Variants in GSE1 observed in about 807,000 individuals in gnomAD.
GSE1 encodes genetic suppressor element 1.
Under a neutral mutation model 112.6 loss-of-function variants are expected in GSE1, and 32 were observed. That is an observed-to-expected ratio of 0.28 (90% CI 0.21 to 0.38). The LOEUF (loss-of-function observed/expected upper bound fraction) is 0.38. GSE1 is among the 10% of genes least tolerant of loss of function. GSE1 has a pLI of 1.00. For missense variants in GSE1, 2,348 were observed against 1,699.2 expected, an observed-to-expected ratio of 1.38 and a Z score of -6.71; for synonymous variants, 1,115 against 735.6, an observed-to-expected ratio of 1.52 and a Z score of -8.35.
intron 1 of GSE1, among the ~76,000 whole-genome samples, chr16:85,284,427 G>A (rs2151428302): frequency 6.6e-6 from 1 of 152,314 alleles, no homozygotes; most frequent in Admixed American, 6.5e-5. Context: ...GGTGAGACCT[G>A]CCTCCCTGCC....
rs201087032 is a variant in GSE1, at chr16:85,668,325, G to C, written c.3316G>C (p.Glu1106Gln). 1.1e-5 allele frequency: 18 copies of C among 1,613,030 alleles called. No individual in the cohort carries two copies. In the East Asian group the frequency reaches 3.8e-4, roughly 34 times the overall value. Reference sequence around the variant, plus strand: ...GGACCGGGACTCGGAGGAGGAGGAAGAGGAGGATGATGAAGATGGAGAAGA... The same window carrying C: ...GGACCGGGACTCGGAGGAGGAGGAACAGGAGGATGATGAAGATGGAGAAGA... ...ELDRDSEEEEEEDDEDGEDEE... is the reference protein window; with the variant it reads ...ELDRDSEEEEQEDDEDGEDEE... Residue 1106 changes from glutamate to glutamine, a missense_variant, in exon 14 of 16, where the codon GAG becomes CAG. Glu to Gln is a conservative substitution (Grantham distance 29). Transcript: ENST00000253458.
chr16:85,349,417 C>A (rs2046808376), intron 1 of GSE1, among the ~76,000 whole-genome samples: 1 of 152,174 alleles, frequency 6.6e-6, no homozygotes, highest in Non-Finnish European at 1.5e-5. Context: ...TGCGGGGCCA[C>A]AGCGGGTCAG....
At chr16:85,488,012 C>T (rs2050896609) in intron 2 of GSE1, among the ~76,000 whole-genome samples, 1 of 152,190 alleles carries the variant, frequency 6.6e-6, no homozygotes. Context: ...ACTGCCTGGC[C>T]ATGGAGGCTC....
chr16:85,598,167 G>GTTTTTT (rs973836177), intron 1 of GSE1, among the ~76,000 whole-genome samples: 51 of 71,518 alleles, frequency 7.1e-4, no homozygotes, highest in Admixed American at 8.1e-4. Flanking sequence ...AGGTTTGGTT[G>GTTTTTT]TTTTTTTTTT....
At chr16:85,488,014 T>C (rs2050896728) in intron 2 of GSE1, among the ~76,000 whole-genome samples, 1 of 152,162 alleles carries the variant, frequency 6.6e-6, no homozygotes, top group Admixed American at 6.5e-5. Context: ...TGCCTGGCCA[T>C]GGAGGCTCCT....
chr16:85,656,294 C>T (rs1391537457), intron 6 of GSE1, 49 bp from the exon 7 acceptor site: 23 of 1,599,138 alleles, frequency 1.4e-5, no homozygotes, highest in Non-Finnish European at 1.8e-5. Context: ...CCAGGTCCGT[C>T]TCTTGTTCCT....
chr16:85,331,561 A>ATATGTGTATC (rs1357317551), intron 1 of GSE1, among the ~76,000 whole-genome samples: 1 of 111,418 alleles, frequency 9.0e-6, no homozygotes, highest in East Asian at 2.5e-4. Flanking sequence ...ATATGTGTAT[A>ATATGTGTATC]TGTGTATATA....
chr16:85,372,237 G>A (rs1417484946), intron 2 of GSE1, among the ~76,000 whole-genome samples: 3 of 152,098 alleles, frequency 2.0e-5, no homozygotes, highest in African/African-American at 4.8e-5. Flanking sequence ...TTGTGCTTGT[G>A]AGATCAAGGT....
chr16:85,253,715 G>A (rs1050481091), intron 1 of GSE1, among the ~76,000 whole-genome samples: 2 of 152,236 alleles, frequency 1.3e-5, no homozygotes, highest in African/African-American at 4.8e-5. Context: ...CAGGGGAGAA[G>A]GAGGGTGGCA....
intron 2 of GSE1, among the ~76,000 whole-genome samples, chr16:85,473,180 C>T (rs1348935700): frequency 6.6e-6 from 1 of 152,266 alleles, no homozygotes; most frequent in Non-Finnish European, 1.5e-5. Context: ...ACTGACTGCA[C>T]CATTTGCTGT....
intron 2 of GSE1, among the ~76,000 whole-genome samples, chr16:85,390,168 C>T (rs1288254070): frequency 6.6e-6 from 1 of 152,218 alleles, no homozygotes; most frequent in Non-Finnish European, 1.5e-5. Flanking sequence ...TATTCTTACA[C>T]ATACTTCTGT....
chr16:85,596,707 T>G (rs554250849), intron 1 of GSE1, among the ~76,000 whole-genome samples: 1 of 152,322 alleles, frequency 6.6e-6, no homozygotes, highest in East Asian at 1.9e-4. Context: ...TGTGTGCCAG[T>G]ACTGGACAGT....
chr16:85,595,098 C>T (rs1448945305), intron 1 of GSE1: 1 of 152,562 alleles, frequency 6.6e-6, no homozygotes, highest in Non-Finnish European at 1.5e-5. Context: ...CCAGGACGTT[C>T]CTGTCTCTGT....
rs988012263 is a variant in GSE1, at chr16:85,373,578, C to T, written c.2464+15935C>T. Among the ~76,000 whole-genome samples, 4 of 152,048 alleles carry T rather than the reference C, an allele frequency of 2.6e-5. No homozygotes were observed. Among genetic ancestry groups the T allele is most frequent in the South Asian group, 2.1e-4 (1 of 4,818 alleles). On this transcript the variant is annotated intron_variant, in intron 2 of 2. Transcript: ENST00000637419. This position sits in a 1 kb window ranked among gnomAD's most constrained non-coding sequence, Gnocchi z 5.1. Reference sequence around the variant, plus strand: ...CTGTGTATAGCAGGGATTCAGTGACCGCATCGCTACTATGTGTCCTCCCAG... The same window carrying T: ...CTGTGTATAGCAGGGATTCAGTGACTGCATCGCTACTATGTGTCCTCCCAG...
chr16:85,530,897 C>T (rs1390567695), intron 2 of GSE1, among the ~76,000 whole-genome samples: 2 of 152,232 alleles, frequency 1.3e-5, no homozygotes, highest in Non-Finnish European at 2.9e-5. Flanking sequence ...AGAGCTGAGG[C>T]GTAGCCCCCT....
chr16:85,671,162 C>T (rs2053297737), intron 15 of GSE1, 64 bp downstream of exon 15: 2 of 929,802 alleles, frequency 2.2e-6, no homozygotes, highest in Non-Finnish European at 3.5e-6. Context: ...TCAGAAACAC[C>T]CATGCAGATA....
intron 13 of GSE1, among the ~76,000 whole-genome samples, chr16:85,666,826 C>T (rs1008916166): frequency 1.6e-4 from 24 of 152,318 alleles, no homozygotes; most frequent in Admixed American, 5.9e-4. Context: ...CCTCTGGATC[C>T]GTGGGTTCCG....
chr16:85,335,175 G>A (rs185953414), intron 1 of GSE1, among the ~76,000 whole-genome samples: 283 of 152,348 alleles, frequency 1.9e-3, no homozygotes, highest in African/African-American at 6.4e-3. Flanking sequence ...AGGGAACCTC[G>A]GAGGGTGGAG....
chr16:85,312,188 C>T (rs1213116908), intron 1 of GSE1, among the ~76,000 whole-genome samples: 1 of 137,728 alleles, frequency 7.3e-6, no homozygotes, highest in Non-Finnish European at 1.5e-5. Context: ...CCTCTGTGGT[C>T]TCTCTGATCC....
Sources: gnomAD v4.1 joint callset for allele counts (sites outside exome capture counted in the v4.1 genomes callset) on GRCh38, gnomAD v4.1.1 for gene constraint, Gnocchi (gnomAD v3.1) non-coding constraint, MANE v1.5 for transcripts, NCBI Gene and HGNC (gene_info 2026-07-23, HGNC 2026-07-21) for gene names.